Variants in HDAC9 observed in about 807,000 individuals in gnomAD.
The protein encoded by HDAC9 is MEF-2 interacting transcription repressor (MITR) protein.
Under a neutral mutation model 139.4 loss-of-function variants are expected in HDAC9, and 41 were observed. That is an observed-to-expected ratio of 0.29 (90% confidence interval 0.23 to 0.38). The LOEUF (loss-of-function observed/expected upper bound fraction) is 0.38. Ranked by LOEUF, HDAC9 falls within the 10% of genes least tolerant of loss-of-function variation. The probability of loss-of-function intolerance (pLI) is 1.00; values close to 1 mark genes in which losing one functional copy is unlikely to be tolerated. For missense variants in HDAC9, 1,147 were observed against 1,297.0 expected, an observed-to-expected ratio of 0.88 and a Z score of 1.78; for synonymous variants, 517 against 476.2, an observed-to-expected ratio of 1.09 and a Z score of -1.12.
intron 15 of HDAC9, among the ~76,000 whole-genome samples, chr7:18,766,344 A>C (rs956317134): frequency 6.6e-6 from 1 of 152,244 alleles, no homozygotes; most frequent in Non-Finnish European, 1.5e-5. Flanking sequence ...ATAACGTAGA[A>C]AATAAAAGTA....
intron 2 of HDAC9, among the ~76,000 whole-genome samples, chr7:18,518,448 C>T (rs758689795): frequency 1.4e-4 from 22 of 152,036 alleles, no homozygotes; most frequent in African/African-American, 4.6e-4. Flanking sequence ...CCCTAGCAAA[C>T]GTAAGTGATC....
intron 1 of HDAC9, among the ~76,000 whole-genome samples, chr7:18,368,437 C>G (rs1025583673): frequency 5.7e-4 from 87 of 151,980 alleles, no homozygotes; most frequent in Non-Finnish European, 7.4e-5. Flanking sequence ...TCTTATATAT[C>G]AAACATGCTG....
At chr7:18,718,064 A>G (rs1271331216) in intron 12 of HDAC9, among the ~76,000 whole-genome samples, 1 of 151,912 alleles carries the variant, frequency 6.6e-6, no homozygotes, top group East Asian at 1.9e-4. Flanking sequence ...AACCATCACC[A>G]GAGTCAATGT....
intron 1 of HDAC9, among the ~76,000 whole-genome samples, chr7:18,292,412 A>G (rs1289683739): frequency 1.3e-5 from 2 of 152,168 alleles, no homozygotes; most frequent in Non-Finnish European, 2.9e-5. Context: ...AGGCTTCCTG[A>G]AGATGAAAGT....
chr7:18,250,680 T>A (rs1794863356), intron 2 of HDAC9, among the ~76,000 whole-genome samples: 1 of 152,216 alleles, frequency 6.6e-6, no homozygotes, highest in Non-Finnish European at 1.5e-5. Context: ...TCTAGAGTGG[T>A]CTTTGAGGAA....
chr7:18,814,832 C>A (rs1461726668), intron 17 of HDAC9, among the ~76,000 whole-genome samples: 1 of 152,052 alleles, frequency 6.6e-6, no homozygotes, highest in Non-Finnish European at 1.5e-5. Context: ...ATAATATAAT[C>A]AAAACTAAAA....
intron 22 of HDAC9, among the ~76,000 whole-genome samples, chr7:18,926,025 G>C (rs550779702): frequency 6.6e-6 from 1 of 151,992 alleles, no homozygotes; most frequent in Admixed American, 6.6e-5. Context: ...ATCTAGATCT[G>C]TAATTGTTAA....
chr7:18,159,164 A>C (rs1787440104), intron 1 of HDAC9, among the ~76,000 whole-genome samples: 1 of 152,208 alleles, frequency 6.6e-6, no homozygotes, highest in African/African-American at 2.4e-5. Context: ...AGCATGGGGA[A>C]ACTCATGTTA....
chr7:18,579,465 A>G (rs1226316077), intron 2 of HDAC9, among the ~76,000 whole-genome samples: 1 of 152,228 alleles, frequency 6.6e-6, no homozygotes, highest in Non-Finnish European at 1.5e-5. Context: ...AGCATGCCCA[A>G]ACTCTCACAG....
At chr7:18,146,169 A>T (rs2128114653) in intron 1 of HDAC9, among the ~76,000 whole-genome samples, 1 of 152,298 alleles carries the variant, frequency 6.6e-6, no homozygotes, top group South Asian at 2.1e-4. Flanking sequence ...ATACGGCATC[A>T]ATTAAAGGGA....
chr7:18,466,970 T>C (rs528292618), intron 1 of HDAC9, among the ~76,000 whole-genome samples: 2 of 152,308 alleles, frequency 1.3e-5, no homozygotes, highest in African/African-American at 4.8e-5. Context: ...TATGCTTGAC[T>C]ATTTTCTCTT....
chr7:18,849,858 G>A (rs1014613938), intron 21 of HDAC9, among the ~76,000 whole-genome samples: 6 of 152,032 alleles, frequency 3.9e-5, no homozygotes, highest in African/African-American at 7.2e-5. Context: ...GACCCTATGC[G>A]TATCATGGTG....
chr7:18,873,414 T>C (rs969081010), intron 21 of HDAC9, among the ~76,000 whole-genome samples: 2 of 152,176 alleles, frequency 1.3e-5, no homozygotes, highest in African/African-American at 2.4e-5. Flanking sequence ...CATTTCTAGG[T>C]AAGTTTCAAC....
chr7:18,490,426 T>C (rs1796277421), intron 1 of HDAC9, among the ~76,000 whole-genome samples: 1 of 152,086 alleles, frequency 6.6e-6, no homozygotes, highest in Admixed American at 6.6e-5. Context: ...TCTAAAGTTT[T>C]TGTTGTCGTT....
At chr7:18,853,069 G>A (rs1797421273) in intron 21 of HDAC9, among the ~76,000 whole-genome samples, 1 of 152,096 alleles carries the variant, frequency 6.6e-6, no homozygotes, top group Non-Finnish European at 1.5e-5. Context: ...TGTTCAGAAT[G>A]TGGACTGAGG....
intron 22 of HDAC9, among the ~76,000 whole-genome samples, chr7:18,888,214 GATCGAGACC>G (rs1212942790): frequency 2.6e-5 from 4 of 152,154 alleles, no homozygotes; most frequent in Admixed American, 6.5e-5. Context: ...GAGGTGAGGA[GATCGAGACC>G]ATCCTGGCTA....
intron 1 of HDAC9, among the ~76,000 whole-genome samples, chr7:18,334,822 T>C (rs1400120693): frequency 4.6e-5 from 7 of 151,504 alleles, no homozygotes. Context: ...AGAAGCAAGC[T>C]ATTTTGCTCT....
intron 1 of HDAC9, among the ~76,000 whole-genome samples, chr7:18,347,996 A>T (rs1250154114): frequency 6.6e-6 from 1 of 152,186 alleles, no homozygotes; most frequent in African/African-American, 2.4e-5. Flanking sequence ...TAATTTTAAG[A>T]GAGAAGTAGG....
Position 18,202,573 on chromosome 7 carries a change from A to G in HDAC9, c.25+40224A>G, listed in dbSNP as rs558738803. On this transcript the variant is annotated intron_variant, in intron 2 of 12. Transcript: ENST00000417496. Reference sequence around the variant, plus strand: ...TGAGGGCCATTTAGATAAAAAAGATACAGAATTGCAGACTAGTAGATTTAA... The same window carrying G: ...TGAGGGCCATTTAGATAAAAAAGATGCAGAATTGCAGACTAGTAGATTTAA... Among the ~76,000 whole-genome samples the G allele has an allele frequency of 1.1e-4, 16 of 152,366 alleles. No individual in the cohort carries two copies. The South Asian group carries it at 1.7e-3, about 16-fold the overall frequency.
Sources: gnomAD v4.1 joint callset for allele counts (sites outside exome capture counted in the v4.1 genomes callset) on GRCh38, gnomAD v4.1.1 for gene constraint, MANE v1.5 for transcripts, NCBI Gene and HGNC (gene_info 2026-07-23, HGNC 2026-07-21) for gene names.